ZMAT4: variants seen among roughly 807,000 people sequenced by gnomAD.
ZMAT4 encodes the protein zinc finger matrin-type 4.
In ZMAT4, 17 loss-of-function variants were observed where a neutral mutation model predicts 28.7. The ratio of observed to expected loss-of-function variants is 0.59; its 90% CI spans 0.41 to 0.89. The LOEUF (loss-of-function observed/expected upper bound fraction) is 0.89, where lower values mean the gene tolerates loss of function less well. Ranked by LOEUF, ZMAT4 falls within the 40% of genes least tolerant of loss-of-function variation. The probability of loss-of-function intolerance (pLI) is 0.00; values close to 1 mark genes in which losing one functional copy is unlikely to be tolerated. For synonymous variants in ZMAT4, 117 were observed against 109.2 expected (o/e 1.07, Z -0.44); for missense variants, 240 against 283.8 (o/e 0.85, Z 1.11).
chr8:40,695,685 T>C (rs1354146678), intron 4 of ZMAT4, among the ~76,000 whole-genome samples: 4 of 152,022 alleles, frequency 2.6e-5, no homozygotes, highest in African/African-American at 9.7e-5. Flanking sequence ...TCTGAGGGTG[T>C]TTGAATTCAG....
intron 3 of ZMAT4, among the ~76,000 whole-genome samples, chr8:40,735,111 T>G (rs1259506869): frequency 6.6e-6 from 1 of 152,218 alleles, no homozygotes; most frequent in Non-Finnish European, 1.5e-5. Flanking sequence ...AGGCAGAAAC[T>G]CTGCCTTATC....
chr8:40,649,829 G>C (rs1807547548), intron 5 of ZMAT4, among the ~76,000 whole-genome samples: 1 of 151,694 alleles, frequency 6.6e-6, no homozygotes, highest in Admixed American at 6.6e-5. Flanking sequence ...ATGACTACTG[G>C]GTACATAATG....
intron 3 of ZMAT4, among the ~76,000 whole-genome samples, chr8:40,752,938 A>G (rs1812517898): frequency 6.6e-6 from 1 of 151,936 alleles, no homozygotes; most frequent in South Asian, 2.1e-4. Context: ...CAGGTTTGTT[A>G]CATAGGTATA....
chr8:40,880,225 C>T (rs536713615), intron 1 of ZMAT4, among the ~76,000 whole-genome samples: 3 of 151,998 alleles, frequency 2.0e-5, no homozygotes, highest in Non-Finnish European at 4.4e-5. Flanking sequence ...AAAAATTAGC[C>T]GAGCGTCGTG....
At chr8:40,782,172 G>A (rs942041597) in intron 2 of ZMAT4, among the ~76,000 whole-genome samples, 2 of 151,956 alleles carry the variant, frequency 1.3e-5, no homozygotes, top group African/African-American at 2.4e-5. Context: ...TGGATCTCGA[G>A]GTCAGGAGTT....
Position 40,825,510 on chromosome 8 carries a change from C to T in ZMAT4, c.102+65G>A, listed in dbSNP as rs958995360. Reference sequence around the variant, plus strand: ...AGTCCAGAAGGAGGATCCTGGAGTCCTACAACAATGACCCGGGCTGCTCCC... The same window carrying T: ...AGTCCAGAAGGAGGATCCTGGAGTCTTACAACAATGACCCGGGCTGCTCCC... On this transcript the variant is annotated intron_variant, in intron 2 of 6. Transcript: ENST00000297737. 5.7e-6 allele frequency: 8 copies of T among 1,397,116 alleles called. No individual in the cohort carries two copies. The Admixed American group carries it at 1.2e-4, about 21-fold the overall frequency. 86.5% of individuals were successfully genotyped at this position (1,397,116 alleles called of 1,614,324 possible).
intron 2 of ZMAT4, among the ~76,000 whole-genome samples, chr8:40,820,617 T>C (rs1286367002): frequency 8.4e-6 from 1 of 119,586 alleles, no homozygotes; most frequent in Non-Finnish European, 1.9e-5. Context: ...TGTGTGTGTA[T>C]GTGTGTGTAT....
intron 5 of ZMAT4, among the ~76,000 whole-genome samples, chr8:40,646,385 C>T (rs926994437): frequency 6.6e-6 from 1 of 151,646 alleles, no homozygotes; most frequent in Non-Finnish European, 1.5e-5. Context: ...TGTAAACATA[C>T]TTTAACTTTT....
chr8:40,626,483 C>G (rs1005574746), intron 5 of ZMAT4, among the ~76,000 whole-genome samples: 1 of 152,188 alleles, frequency 6.6e-6, no homozygotes, highest in Non-Finnish European at 1.5e-5. Flanking sequence ...ATATAAAACT[C>G]TTCTGTGTTA....
intron 2 of ZMAT4, among the ~76,000 whole-genome samples, chr8:40,810,625 A>G (rs1463642141): frequency 6.6e-6 from 1 of 152,214 alleles, no homozygotes; most frequent in Non-Finnish European, 1.5e-5. Context: ...CAGATTAATT[A>G]TAGTATACTT....
At chr8:40,556,323 A>G (rs963430762) in intron 6 of ZMAT4, among the ~76,000 whole-genome samples, 3 of 152,170 alleles carry the variant, frequency 2.0e-5, no homozygotes, top group Non-Finnish European at 2.9e-5. Flanking sequence ...GACTTCTCAA[A>G]TTTAACATGA....
At chr8:40,754,442 G>T (rs952733622) in intron 3 of ZMAT4, among the ~76,000 whole-genome samples, 1 of 152,156 alleles carries the variant, frequency 6.6e-6, no homozygotes, top group East Asian at 1.9e-4. Flanking sequence ...ATGAGTTTCA[G>T]AAGCAGAGTC....
chr8:40,580,991 A>G (rs540364185), intron 6 of ZMAT4, among the ~76,000 whole-genome samples, 174 bp downstream of exon 6: 37 of 152,336 alleles, frequency 2.4e-4, no homozygotes, highest in African/African-American at 8.7e-4. Flanking sequence ...ACTCATGCCA[A>G]ATAAAGGGAA....
intron 6 of ZMAT4, among the ~76,000 whole-genome samples, chr8:40,546,367 C>T (rs1053578245): frequency 4.0e-5 from 6 of 151,484 alleles, no homozygotes; most frequent in African/African-American, 7.3e-5. Flanking sequence ...TCTATGGAGA[C>T]GTACCAGAGC....
At chr8:40,796,848 A>G (rs1055851361) in intron 2 of ZMAT4, among the ~76,000 whole-genome samples, 20 of 152,146 alleles carry the variant, frequency 1.3e-4, no homozygotes, top group African/African-American at 4.3e-4. Context: ...AAGTCCCAGA[A>G]CAGAAAGCCA....
At chr8:40,717,620 C>A (rs142721166) in intron 3 of ZMAT4, among the ~76,000 whole-genome samples, 3 of 152,220 alleles carry the variant, frequency 2.0e-5, no homozygotes, top group African/African-American at 7.2e-5. Flanking sequence ...GTAATTATAC[C>A]ACTGCACTCC....
Position 40,546,266 on chromosome 8 carries a change from C to G in ZMAT4, c.675-14028G>C, listed in dbSNP as rs146562728. Among the ~76,000 whole-genome samples the G allele has an allele frequency of 6.0e-5, 9 of 149,494 alleles. 1 individual carries two copies. In the East Asian group the frequency reaches 1.8e-3, roughly 30 times the overall value. ...AAATTAATTTACAGCACTAGCTGAC[C>G]TATTTAAAGAAACCACAGGGTGAAT... On this transcript the variant is annotated intron_variant, in intron 6 of 6. Transcript: ENST00000297737.
chr8:40,816,524 G>A (rs979306494), intron 2 of ZMAT4, among the ~76,000 whole-genome samples: 3 of 152,162 alleles, frequency 2.0e-5, no homozygotes, highest in African/African-American at 7.2e-5. Context: ...GGCTTGGCAG[G>A]TGGGTAGTAA....
intron 2 of ZMAT4, among the ~76,000 whole-genome samples, chr8:40,824,205 C>G (rs1367896975): frequency 6.6e-6 from 1 of 152,166 alleles, no homozygotes; most frequent in Non-Finnish European, 1.5e-5. Flanking sequence ...GCTGGATAAG[C>G]CTTCCAATAT....
Sources: allele counts gnomAD v4.1 joint callset (sites outside exome capture counted in the v4.1 genomes callset), GRCh38; gene constraint gnomAD v4.1.1; transcripts MANE v1.5; gene names NCBI Gene and HGNC (gene_info 2026-07-23, HGNC 2026-07-21).